The following CTSC variants were observed in gnomAD, a reference collection of about 807,000 sequenced individuals.
CTSC encodes cathepsin C.
A neutral mutation model predicts 40.9 loss-of-function variants in CTSC; 37 were observed. The ratio of observed to expected loss-of-function variants is 0.91; its 90% CI spans 0.70 to 1.19. CTSC has a LOEUF of 1.19. Ranked by LOEUF, CTSC falls within the 50% of genes most tolerant of loss-of-function variation. The pLI, the probability that CTSC is intolerant of heterozygous loss-of-function variation, is 0.00. For missense variants in CTSC, 594 were observed against 567.3 expected (o/e 1.05, Z -0.48); for synonymous variants, 232 against 207.4 (o/e 1.12, Z -1.02).
At chr11:88,294,580 T>C (rs1330301741) in intron 6 of CTSC, 72 bp from the exon 7 acceptor site, 11 of 1,549,368 alleles carry the variant, frequency 7.1e-6, no homozygotes, top group Non-Finnish European at 9.7e-6. Flanking sequence ...TTTTTCTTCT[T>C]TGCTCCATTA....
intron 2 of CTSC, among the ~76,000 whole-genome samples, chr11:88,316,500 T>TAAAA (rs1565257815): frequency 1.3e-5 from 2 of 151,864 alleles, no homozygotes; most frequent in South Asian, 4.2e-4. Flanking sequence ...AATAAATAAA[T>TAAAA]AAATGAAGCA....
chr11:88,326,207 G>A, intron 2 of CTSC: 1 of 1,385,464 alleles, frequency 7.2e-7, no homozygotes, highest in South Asian at 1.9e-5. Context: ...CCAAAATGAT[G>A]TTTACTGTTT....
chr11:88,314,663 G>A (rs1452308073), intron 2 of CTSC, among the ~76,000 whole-genome samples: 4 of 152,094 alleles, frequency 2.6e-5, no homozygotes, highest in Non-Finnish European at 5.9e-5. Context: ...AAGTAGCTGC[G>A]ACTACAGGCA....
chr11:88,309,292 T>A lies in CTSC; in HGVS notation c.512A>T (p.Asp171Val). ...ATTGATAGCTTTCACAAAGTTGTGA[T>A]CATACTTGTAGAGCCTATTAGAATA... Reference protein sequence around the residue: ...EKYSNRLYKYDHNFVKAINAI... With the variant: ...EKYSNRLYKYVHNFVKAINAI... Residue 171 changes from aspartate (D) to valine (V), a missense_variant, in exon 4 of 7, where the codon GAT (aspartate) becomes GTT (valine). Physicochemically the swap from Asp to Val is radical, Grantham distance 152. Transcript: ENST00000227266. 6.2e-7 allele frequency: 1 copy of A among 1,613,894 alleles called. No individual in the cohort carries two copies. The highest frequency in any genetic ancestry group is 1.1e-5 in the South Asian group (1 of 91,078).
At chr11:88,313,492 CA>C (rs1254407824) in intron 2 of CTSC, among the ~76,000 whole-genome samples, 1 of 152,068 alleles carries the variant, frequency 6.6e-6, no homozygotes, top group Non-Finnish European at 1.5e-5. Flanking sequence ...TGTCTTATTT[CA>C]GTGTTAGAAC....
At chr11:88,326,967 C>G (rs1002602136) in intron 2 of CTSC, among the ~76,000 whole-genome samples, 2 of 151,240 alleles carry the variant, frequency 1.3e-5, no homozygotes, top group Non-Finnish European at 2.9e-5. Flanking sequence ...GCTTATTTTT[C>G]GTGGAAAAAA....
rs184102016 is a variant in CTSC, at chr11:88,328,693, T to C, written c.318+6244A>G. Among the ~76,000 whole-genome samples, 283 of 152,268 alleles carry C rather than the reference T, an allele frequency of 1.9e-3. 1 individual carries two copies. Among genetic ancestry groups the C allele is most frequent in the African/African-American group, 6.1e-3 (254 of 41,558 alleles). On this transcript the variant is annotated intron_variant, in intron 2 of 6. Coordinates refer to ENST00000227266, the MANE Select transcript of CTSC (RefSeq NM_001814.6). ...CCCAGGCTGAAATGCAGTGGCACAA[T>C]GTCAGCTCACTGCAACCTCCACCTC...
chr11:88,294,933 AC>A (rs761698271), intron 6 of CTSC, among the ~76,000 whole-genome samples: 5 of 152,128 alleles, frequency 3.3e-5, no homozygotes, highest in Non-Finnish European at 5.9e-5. Flanking sequence ...AAGCAGCCAG[AC>A]CCCACAACTT....
chr11:88,332,781 C>T (rs957777692), intron 2 of CTSC, among the ~76,000 whole-genome samples: 5 of 152,094 alleles, frequency 3.3e-5, no homozygotes, highest in African/African-American at 1.2e-4. Flanking sequence ...ATAGACATAT[C>T]CTGAAATCAG....
rs778525772 is a variant in CTSC, at chr11:88,312,557, G to A, written c.319-3C>T. ...ACCTTGCTGCCCTCTTCTTTATACT[G>A]CAAACAAATAAGAGAAAAGAAAACC... On this transcript the variant is annotated splice_region_variant and splice_polypyrimidine_tract_variant and intron_variant, in intron 2 of 6. Coordinates refer to ENST00000227266, the MANE Select transcript of CTSC (RefSeq NM_001814.6). 1 of 1,613,812 alleles carries A rather than the reference G, an allele frequency of 6.2e-7. No individual in the cohort carries two copies. The highest frequency in any genetic ancestry group is 1.1e-5 in the South Asian group (1 of 91,064).
At chr11:88,313,471 A>G (rs189433867) in intron 2 of CTSC, among the ~76,000 whole-genome samples, 14 of 152,326 alleles carry the variant, frequency 9.2e-5, no homozygotes, top group African/African-American at 3.1e-4. Flanking sequence ...TATTTCAGTA[A>G]TATGGCCTTT....
chr11:88,307,556 CTT>C (rs5793311), intron 4 of CTSC, among the ~76,000 whole-genome samples: 241 of 73,510 alleles, frequency 3.3e-3, no homozygotes, highest in African/African-American at 9.4e-3. Flanking sequence ...ATACTGATAA[CTT>C]TTTTTTTTTT....
At chr11:88,296,091 A>G (rs765092700) in intron 6 of CTSC, 42 bp downstream of exon 6, 1 of 1,609,490 alleles carries the variant, frequency 6.2e-7, no homozygotes, top group Non-Finnish European at 8.5e-7. Context: ...AGCTGCACAC[A>G]GGTAAATAGC....
intron 2 of CTSC, chr11:88,324,024 C>T (rs1255767532): frequency 6.6e-6 from 1 of 152,116 alleles, no homozygotes; most frequent in African/African-American, 2.4e-5. Context: ...TACAAGGCTA[C>T]AGTAACCAAA....
chr11:88,302,625 CAAAAAAAAAA>C (rs139973958), intron 4 of CTSC, among the ~76,000 whole-genome samples: 2 of 80,052 alleles, frequency 2.5e-5, no homozygotes, highest in Admixed American at 1.6e-4. Context: ...GACTCCGCCT[CAAAAAAAAAA>C]AAAAAAAAAA....
At chr11:88,310,197 T>A (rs1322951052) in intron 3 of CTSC, among the ~76,000 whole-genome samples, 3 of 136,678 alleles carry the variant, frequency 2.2e-5, no homozygotes, top group Admixed American at 7.4e-5. Context: ...TTTTTTTTTT[T>A]AAACAAGATC....
At chr11:88,318,768 T>C (rs142193145) in intron 2 of CTSC, among the ~76,000 whole-genome samples, 13 of 152,102 alleles carry the variant, frequency 8.5e-5, no homozygotes, top group Non-Finnish European at 1.9e-4. Context: ...TAGCCTGGCA[T>C]AGTGGCACAC....
At chr11:88,296,308 C>T (rs1002351493) in intron 5 of CTSC, 44 bp from the exon 6 acceptor site, 2 of 1,610,730 alleles carry the variant, frequency 1.2e-6, no homozygotes, top group Non-Finnish European at 8.5e-7. Context: ...ACATCTGAAG[C>T]CTCACAGAGA....
chr11:88,300,371 T>G (rs1297302068), intron 5 of CTSC, among the ~76,000 whole-genome samples, 159 bp downstream of exon 5: 5 of 152,190 alleles, frequency 3.3e-5, no homozygotes, highest in Admixed American at 6.5e-5. Context: ...GTCATGGATA[T>G]AAAAGGAAAG....
Sources: gnomAD v4.1 joint callset for allele counts (sites outside exome capture counted in the v4.1 genomes callset) on GRCh38, gnomAD v4.1.1 for gene constraint, MANE v1.5 for transcripts, NCBI Gene and HGNC (gene_info 2026-07-23, HGNC 2026-07-21) for gene names.